Variants in NRXN1 observed in about 807,000 individuals in gnomAD.
NRXN1 encodes the protein neurexin-1.
NRXN1 carries 39 observed loss-of-function variants against 150.9 expected under a neutral mutation model. The observed-to-expected ratio is 0.26, with a 90% CI of 0.20 to 0.34. NRXN1 has a LOEUF of 0.34. Ranked by LOEUF, NRXN1 falls within the 10% of genes least tolerant of loss-of-function variation. The probability of loss-of-function intolerance (pLI) is 1.00; values close to 1 mark genes in which losing one functional copy is unlikely to be tolerated. For synonymous variants in NRXN1, 924 were observed against 757.0 expected, an observed-to-expected ratio of 1.22 and a Z score of -3.62; for missense variants, 1,815 against 1,949.9, an observed-to-expected ratio of 0.93 and a Z score of 1.30.
chr2:50,582,957 T>C (rs1207374283), intron 8 of NRXN1, among the ~76,000 whole-genome samples: 1 of 151,668 alleles, frequency 6.6e-6, no homozygotes, highest in Non-Finnish European at 1.5e-5. Flanking sequence ...ACCCACACTT[T>C]GTATATATTG....
rs374478958 is a variant in NRXN1 at position 50,021,948 on chromosome 2, T to G, written c.4128+31323A>C. 2.2e-3 allele frequency among the ~76,000 whole-genome samples: 340 copies of G among 152,298 alleles called. 3 individuals carry two copies. Among genetic ancestry groups the G allele is most frequent in the African/African-American group, 7.9e-3 (328 of 41,542 alleles). ...TCACTGCAACCTCCACTTCCAGGGTTCAAGAGATTCTCCTGTCTCAGACTC... is the reference window on the plus strand; with the variant it reads ...TCACTGCAACCTCCACTTCCAGGGTGCAAGAGATTCTCCTGTCTCAGACTC... On this transcript the variant is annotated intron_variant, in intron 21 of 22. Transcript: ENST00000401669.
intron 2 of NRXN1, among the ~76,000 whole-genome samples, chr2:50,980,171 C>G (rs1478232375): frequency 6.6e-6 from 1 of 152,018 alleles, no homozygotes; most frequent in African/African-American, 2.4e-5. Context: ...TCTGCTTTTT[C>G]TTAGCTCACT....
At chr2:50,057,738 A>G (rs7590669) in intron 19 of NRXN1, among the ~76,000 whole-genome samples, 6,942 of 152,278 alleles carry the variant, frequency 0.046, 198 homozygotes, top group Middle Eastern at 0.085. Context: ...CTTACAACCT[A>G]ACAACATTAA....
At chr2:50,388,745 TATC>T (rs1202257081) in intron 17 of NRXN1, among the ~76,000 whole-genome samples, 2 of 152,182 alleles carry the variant, frequency 1.3e-5, no homozygotes, top group African/African-American at 2.4e-5. Flanking sequence ...ATTCTTTTCT[TATC>T]ATATTTCAGA....
At chr2:49,955,099 T>G (rs1238541210) in intron 21 of NRXN1, among the ~76,000 whole-genome samples, 1 of 152,180 alleles carries the variant, frequency 6.6e-6, no homozygotes, top group Non-Finnish European at 1.5e-5. Context: ...TACATGACAC[T>G]TGAATTTACT....
chr2:50,606,604 T>TACAATAATA (rs1289735972), intron 8 of NRXN1, among the ~76,000 whole-genome samples: 1 of 93,202 alleles, frequency 1.1e-5, no homozygotes, highest in African/African-American at 4.5e-5. Context: ...GAGCTGCTCA[T>TACAATAATA]ACAATAATAA....
chr2:50,806,979 A>G (rs1398746140), intron 5 of NRXN1, among the ~76,000 whole-genome samples: 1 of 152,156 alleles, frequency 6.6e-6, no homozygotes, highest in African/African-American at 2.4e-5. Flanking sequence ...CATTCAAGAT[A>G]TAATTTGTGA....
chr2:50,462,094 A>G (rs369346688), intron 17 of NRXN1, among the ~76,000 whole-genome samples: 21 of 152,026 alleles, frequency 1.4e-4, no homozygotes, highest in African/African-American at 5.1e-4. Context: ...CTGAGGATAT[A>G]TTTGAAATTC....
chr2:50,226,786 T>C (rs1253357108), intron 18 of NRXN1, among the ~76,000 whole-genome samples: 1 of 151,982 alleles, frequency 6.6e-6, no homozygotes, highest in South Asian at 2.1e-4. Context: ...CAGATTTGTA[T>C]CTCTAACCCC....
chr2:50,840,483 A>G lies in NRXN1; in HGVS notation c.832+81386T>C, dbSNP rs1269951526. ...ATAGAGGTCCAGATGGTGCAGAGAGATTATGACAATGAAAAGTAGCTCATG... is the reference window on the plus strand; with the variant it reads ...ATAGAGGTCCAGATGGTGCAGAGAGGTTATGACAATGAAAAGTAGCTCATG... On this transcript the variant is annotated intron_variant, in intron 5 of 22. Coordinates refer to ENST00000401669, the MANE Select transcript of NRXN1 (RefSeq NM_001330078.2). 3.9e-5 allele frequency among the ~76,000 whole-genome samples: 6 copies of G among 152,188 alleles called. No individual in the cohort carries two copies. The South Asian group carries it at 1.2e-3, about 32-fold the overall frequency.
chr2:50,895,997 A>G (rs1681887192), intron 5 of NRXN1, among the ~76,000 whole-genome samples: 1 of 152,276 alleles, frequency 6.6e-6, no homozygotes, highest in African/African-American at 2.4e-5. Flanking sequence ...GGACCAAATT[A>G]TCTCGAAATT....
intron 2 of NRXN1, among the ~76,000 whole-genome samples, chr2:50,947,809 T>G (rs889408757): frequency 8.6e-5 from 13 of 152,004 alleles, no homozygotes. Flanking sequence ...ATGTATAATA[T>G]CTACTTAACA....
intron 17 of NRXN1, among the ~76,000 whole-genome samples, chr2:50,370,626 G>A (rs1189902541): frequency 6.6e-6 from 1 of 151,844 alleles, no homozygotes; most frequent in Non-Finnish European, 1.5e-5. Flanking sequence ...TTTTTCTATA[G>A]CACTAAGTAC....
chr2:50,366,029 T>C (rs182327122), intron 17 of NRXN1, among the ~76,000 whole-genome samples: 207 of 152,062 alleles, frequency 1.4e-3, no homozygotes, highest in African/African-American at 4.7e-3. Flanking sequence ...TTAGTATGGC[T>C]GAAATTTGGA....
chr2:50,015,164 G>A (rs1201925495), intron 21 of NRXN1, among the ~76,000 whole-genome samples: 5 of 152,032 alleles, frequency 3.3e-5, no homozygotes, highest in Admixed American at 1.3e-4. Flanking sequence ...TATAAGAAAT[G>A]CAATTATCAG....
intron 22 of NRXN1, among the ~76,000 whole-genome samples, chr2:49,930,373 A>G (rs971210349): frequency 6.6e-6 from 1 of 152,216 alleles, no homozygotes; most frequent in African/African-American, 2.4e-5. Flanking sequence ...AAATACCTCT[A>G]AAATACAGAG....
intron 2 of NRXN1, among the ~76,000 whole-genome samples, chr2:50,984,141 T>C (rs1697304210): frequency 7.5e-6 from 1 of 133,244 alleles, no homozygotes; most frequent in South Asian, 2.5e-4. Flanking sequence ...CTAATTTTTT[T>C]TTTTTTTTTT....
intron 8 of NRXN1, among the ~76,000 whole-genome samples, chr2:50,569,464 G>C (rs564874383): frequency 2.6e-5 from 4 of 151,886 alleles, no homozygotes; most frequent in African/African-American, 9.7e-5. Flanking sequence ...ATGACCCCAA[G>C]AGTAGATTCT....
chr2:50,739,188 T>C (rs1699132166), intron 5 of NRXN1: 2 of 412,698 alleles, frequency 4.8e-6, no homozygotes, highest in Admixed American at 2.5e-5. Flanking sequence ...CTTATGATTA[T>C]GGATTTTCTG....
Sources: gnomAD v4.1 joint callset for allele counts (sites outside exome capture counted in the v4.1 genomes callset) on GRCh38, gnomAD v4.1.1 for gene constraint, MANE v1.5 for transcripts, NCBI Gene and HGNC (gene_info 2026-07-23, HGNC 2026-07-21) for gene names.